The following ADAM18 variants were observed in gnomAD, a reference collection of about 807,000 sequenced individuals.
ADAM18 encodes the protein ADAM metallopeptidase domain 18.
ADAM18 carries 117 observed loss-of-function variants against 94.4 expected under a neutral mutation model. The observed-to-expected ratio is 1.24, with a 90% CI of 1.07 to 1.45. The LOEUF (loss-of-function observed/expected upper bound fraction) is 1.45, where lower values mean the gene tolerates loss of function less well. ADAM18 is among the 40% of genes most tolerant of loss of function. The pLI, the probability that ADAM18 is intolerant of heterozygous loss-of-function variation, is 0.00. For synonymous variants in ADAM18, 327 were observed against 291.6 expected, an observed-to-expected ratio of 1.12 and a Z score of -1.24; for missense variants, 936 against 880.0, an observed-to-expected ratio of 1.06 and a Z score of -0.81.
chr8:39,712,860 C>G (rs895231778), intron 18 of ADAM18, among the ~76,000 whole-genome samples: 2 of 152,196 alleles, frequency 1.3e-5, no homozygotes, highest in Non-Finnish European at 2.9e-5. Context: ...AATGGCCATA[C>G]TGCCCAAAGT....
intron 17 of ADAM18, among the ~76,000 whole-genome samples, chr8:39,693,653 G>A (rs1025201066): frequency 6.0e-5 from 9 of 150,488 alleles, no homozygotes; most frequent in East Asian, 1.9e-4. Context: ...TATTATTTAC[G>A]TTCAGTTGTT....
chr8:39,689,060 T>G (rs142378129), intron 16 of ADAM18, among the ~76,000 whole-genome samples: 1 of 152,196 alleles, frequency 6.6e-6, no homozygotes, highest in Non-Finnish European at 1.5e-5. Flanking sequence ...AATGGCTTTT[T>G]TTTTCTTGTA....
chr8:39,717,956 A>G (rs563004352), intron 18 of ADAM18, among the ~76,000 whole-genome samples: 53 of 151,674 alleles, frequency 3.5e-4, no homozygotes, highest in Middle Eastern at 3.4e-3. Flanking sequence ...AAAACACACA[A>G]ATGGCCAACA....
At chr8:39,714,619 A>G (rs554874259) in intron 18 of ADAM18, among the ~76,000 whole-genome samples, 13 of 152,126 alleles carry the variant, frequency 8.5e-5, no homozygotes, top group Non-Finnish European at 1.5e-4. Flanking sequence ...AAATGAGGCA[A>G]AATCTGATTG....
rs999457374 is a variant in ADAM18, at chr8:39,637,629, T to C, written c.753T>C (p.Asp251=). The part of the protein sequence containing the change: ...NQISTSGDAD[D]ILQRFLAWKR... Reference sequence around the variant, plus strand: ...TTTCCACCAGTGGGGATGCTGATGATATATTACAAAGATTTTTGGCATGGA... The same window carrying C: ...TTTCCACCAGTGGGGATGCTGATGACATATTACAAAGATTTTTGGCATGGA... The change falls in exon 9 of 20, where the codon GAT becomes GAC. Residue 251 remains aspartate, a synonymous_variant. Transcript: ENST00000265707. 32 of 1,612,902 alleles carry C rather than the reference T, an allele frequency of 2.0e-5. No individual in the cohort carries two copies. Among genetic ancestry groups the C allele is most frequent in the Non-Finnish European group, 2.5e-5 (30 of 1,179,306 alleles).
intron 11 of ADAM18, 60 bp downstream of exon 11, chr8:39,645,534 A>G: frequency 6.6e-7 from 1 of 1,509,686 alleles, no homozygotes; most frequent in Non-Finnish European, 8.9e-7. Flanking sequence ...CCAAAATGTG[A>G]TAATGTTTTT....
intron 17 of ADAM18, among the ~76,000 whole-genome samples, chr8:39,694,162 T>C (rs1821857998): frequency 6.6e-6 from 1 of 151,418 alleles, no homozygotes. Flanking sequence ...GTAGATATTC[T>C]TGCCTTGTCC....
intron 12 of ADAM18, among the ~76,000 whole-genome samples, chr8:39,654,960 C>A (rs1216945748): frequency 2.0e-5 from 3 of 152,028 alleles, no homozygotes; most frequent in Non-Finnish European, 4.4e-5. Context: ...GTGTAATTGG[C>A]AAATATTTTC....
intron 16 of ADAM18, among the ~76,000 whole-genome samples, chr8:39,690,732 A>C (rs920901487): frequency 2.0e-5 from 3 of 152,230 alleles, no homozygotes; most frequent in African/African-American, 7.2e-5. Flanking sequence ...GAGGGTGAAG[A>C]GAAAAGGAAA....
chr8:39,655,533 G>A (rs920216895), intron 12 of ADAM18, among the ~76,000 whole-genome samples: 2 of 152,110 alleles, frequency 1.3e-5, no homozygotes, highest in African/African-American at 4.8e-5. Context: ...AAGGGTATCT[G>A]TAAAATCTAC....
At chr8:39,648,250 C>A in intron 11 of ADAM18, 94 bp from the exon 12 acceptor site, 1 of 930,126 alleles carries the variant, frequency 1.1e-6, no homozygotes, top group Non-Finnish European at 1.5e-6. Flanking sequence ...TTGGGGTGGC[C>A]ATCTTGTGAT....
chr8:39,672,194 G>C (rs1312483144), intron 14 of ADAM18, among the ~76,000 whole-genome samples: 2 of 152,146 alleles, frequency 1.3e-5, no homozygotes, highest in Non-Finnish European at 2.9e-5. Context: ...TGTATTTAAG[G>C]CCAAATGATT....
intron 17 of ADAM18, among the ~76,000 whole-genome samples, chr8:39,700,650 A>C (rs1171467984): frequency 6.6e-6 from 1 of 152,110 alleles, no homozygotes; most frequent in Admixed American, 6.5e-5. Flanking sequence ...GACATGAAAA[A>C]TTCAGATTAT....
At chr8:39,713,767 C>T (rs549159792) in intron 18 of ADAM18, among the ~76,000 whole-genome samples, 2 of 152,176 alleles carry the variant, frequency 1.3e-5, no homozygotes, top group South Asian at 2.1e-4. Context: ...GTTAGAATGG[C>T]AATCATTAAA....
In ADAM18 at chr8:39,617,743, A is replaced by G. The variant is rs938178131; in HGVS notation, c.522+7037A>G. 1.6e-4 allele frequency among the ~76,000 whole-genome samples: 24 copies of G among 152,292 alleles called. 1 individual carries two copies. Among genetic ancestry groups the G allele is most frequent in the Admixed American group, 1.4e-3 (22 of 15,294 alleles). On this transcript the variant is annotated intron_variant, in intron 6 of 19. Transcript: ENST00000265707. Reference sequence around the variant, plus strand: ...TAAGCAAAGTAATGCAGAAATAGTAACTCAAATACCACATGTTCTCACTGA... The same window carrying G: ...TAAGCAAAGTAATGCAGAAATAGTAGCTCAAATACCACATGTTCTCACTGA...
intron 18 of ADAM18, among the ~76,000 whole-genome samples, chr8:39,714,806 A>G (rs1223255613): frequency 1.3e-5 from 2 of 152,112 alleles, no homozygotes; most frequent in African/African-American, 4.8e-5. Context: ...CAATGAAACC[A>G]TCTTTTCTCA....
At chr8:39,591,562 A>G (rs1002586751) in intron 2 of ADAM18, among the ~76,000 whole-genome samples, 2 of 152,142 alleles carry the variant, frequency 1.3e-5, no homozygotes, top group African/African-American at 4.8e-5. Context: ...AATTTCAGTC[A>G]TATCTTCAGC....
At chr8:39,626,296 T>A (rs1228327721) in intron 6 of ADAM18, among the ~76,000 whole-genome samples, 1 of 152,118 alleles carries the variant, frequency 6.6e-6, no homozygotes, top group Non-Finnish European at 1.5e-5. Flanking sequence ...TTTAATCTTG[T>A]CTCTTCTTGG....
chr8:39,628,554 GTTAT>G (rs1819839483), intron 6 of ADAM18, among the ~76,000 whole-genome samples: 1 of 151,916 alleles, frequency 6.6e-6, no homozygotes, highest in Non-Finnish European at 1.5e-5. Context: ...GTAAGTTTGG[GTTAT>G]TTGTTTGCTT....
Sources: gnomAD v4.1 joint callset for allele counts (sites outside exome capture counted in the v4.1 genomes callset) on GRCh38, gnomAD v4.1.1 for gene constraint, MANE v1.5 for transcripts, NCBI Gene and HGNC (gene_info 2026-07-23, HGNC 2026-07-21) for gene names.